The following FKBP5 variants were observed in gnomAD, a reference collection of about 807,000 sequenced individuals.
The protein encoded by FKBP5 is peptidyl-prolyl cis-trans isomerase FKBP5.
In FKBP5, 23 loss-of-function variants were observed where a neutral mutation model predicts 50.5. The observed-to-expected ratio is 0.46, with a 90% CI of 0.33 to 0.65. The LOEUF (loss-of-function observed/expected upper bound fraction) is 0.65, where lower values mean the gene tolerates loss of function less well. Among genes scored for constraint, FKBP5 ranks in the 30% least tolerant of loss-of-function variants. FKBP5 has a pLI of 0.02. For synonymous variants in FKBP5, 176 were observed against 190.6 expected (o/e 0.92, Z 0.63); for missense variants, 411 against 553.1 (o/e 0.74, Z 2.58).
intron 3 of FKBP5, among the ~76,000 whole-genome samples, chr6:35,634,555 G>A (rs992104531): frequency 6.6e-6 from 1 of 152,168 alleles, no homozygotes; most frequent in African/African-American, 2.4e-5. Flanking sequence ...ACAGGAAGCA[G>A]GGAAGGCTGA....
rs938652911 is a variant in FKBP5 at position 35,574,076 on chromosome 6, T to G, written c.*1759A>C. 1 of 152,218 alleles carries G rather than the reference T, an allele frequency of 6.6e-6. No individual in the cohort carries two copies. The highest frequency in any genetic ancestry group is 6.5e-5 in the Admixed American group (1 of 15,280). The allele number at this position is 152,218 out of a possible 1,614,324, so 9.4% of individuals were successfully genotyped here. Reference sequence around the variant, plus strand: ...AAGCAAAATCAGCTTTTGCTCTTCATATTTCGTAGGTGAGACTGGGGCTTT... The same window carrying G: ...AAGCAAAATCAGCTTTTGCTCTTCAGATTTCGTAGGTGAGACTGGGGCTTT... On this transcript the variant is annotated 3_prime_UTR_variant, in exon 11 of 11. Transcript: ENST00000357266.
chr6:35,675,966 TAAC>T (rs1482025350), intron 1 of FKBP5, among the ~76,000 whole-genome samples: 1 of 152,122 alleles, frequency 6.6e-6, no homozygotes, highest in Non-Finnish European at 1.5e-5. Flanking sequence ...CTATTAATCC[TAAC>T]AACTATTGGG....
Position 35,575,583 on chromosome 6 carries a change from G to A in FKBP5, c.*252C>T, listed in dbSNP as rs1762185936. The A allele has an allele frequency of 2.2e-6, 1 of 455,834 alleles. No homozygotes were observed. Among genetic ancestry groups the A allele is most frequent in the Non-Finnish European group, 4.0e-6 (1 of 249,560 alleles). 28.2% of individuals were successfully genotyped at this position (455,834 alleles called of 1,614,324 possible). A position where few individuals can be genotyped will look rare whatever the true frequency, so the allele number is the denominator to read the frequency against. On this transcript the variant is annotated 3_prime_UTR_variant, in exon 11 of 11. Transcript: ENST00000357266. ...AACTGAAATGAGCTGGACTTAAGCT[G>A]CTGGCTCACTCCCTCCACACCACAG...
At chr6:35,721,559 G>A (rs1202684378) in intron 1 of FKBP5, among the ~76,000 whole-genome samples, 1 of 151,962 alleles carries the variant, frequency 6.6e-6, no homozygotes, top group Non-Finnish European at 1.5e-5. Context: ...GGGTTCAAAT[G>A]ATTCTCCTGC....
At chr6:35,628,131 C>A (rs538971196) in intron 3 of FKBP5, among the ~76,000 whole-genome samples, 6 of 152,018 alleles carry the variant, frequency 3.9e-5, no homozygotes, top group Non-Finnish European at 8.8e-5. Context: ...GCATTTAGGT[C>A]TTTGATCCAT....
chr6:35,719,605 C>G (rs1766569727), intron 2 of FKBP5, among the ~76,000 whole-genome samples: 1 of 151,834 alleles, frequency 6.6e-6, no homozygotes, highest in African/African-American at 2.4e-5. Context: ...TGCCTGGTGC[C>G]CCTGTGTAGT....
intron 3 of FKBP5, among the ~76,000 whole-genome samples, chr6:35,630,241 T>C (rs920417057): frequency 1.3e-5 from 2 of 152,002 alleles, no homozygotes; most frequent in African/African-American, 2.4e-5. Context: ...CTATGACATA[T>C]CATTACTGGT....
At chr6:35,716,623 G>A (rs767784390) in intron 2 of FKBP5, among the ~76,000 whole-genome samples, 42 of 152,202 alleles carry the variant, frequency 2.8e-4, no homozygotes, top group South Asian at 8.3e-4. Context: ...ACCCATCCCA[G>A]GCACATGCTC....
intron 8 of FKBP5, chr6:35,583,370 G>A (rs1204806390): frequency 2.0e-6 from 2 of 985,338 alleles, no homozygotes; most frequent in Non-Finnish European, 1.2e-6. Flanking sequence ...AATCAGAATG[G>A]TAGAAGGCCA....
chr6:35,599,698 T>G (rs1763086490), intron 5 of FKBP5, among the ~76,000 whole-genome samples: 2 of 152,100 alleles, frequency 1.3e-5, no homozygotes, highest in African/African-American at 2.4e-5. Context: ...AGAGTTGGAG[T>G]GGCTTGGTAG....
intron 5 of FKBP5, among the ~76,000 whole-genome samples, chr6:35,615,155 TACACACACACAC>T (rs34301531): frequency 5.6e-5 from 8 of 143,444 alleles, no homozygotes; most frequent in Non-Finnish European, 1.1e-4. Flanking sequence ...CAACAACAAC[TACACACACACAC>T]ACACACACAC....
intron 5 of FKBP5, among the ~76,000 whole-genome samples, chr6:35,606,659 C>CAAAAA (rs61139697): frequency 1.2e-4 from 3 of 25,122 alleles, no homozygotes; most frequent in African/African-American, 4.6e-4. Context: ...GACTCCGTCT[C>CAAAAA]AAAAAAAAAA....
intron 5 of FKBP5, among the ~76,000 whole-genome samples, chr6:35,612,526 CTGTT>C (rs1264497426): frequency 6.6e-6 from 1 of 152,224 alleles, no homozygotes; most frequent in Non-Finnish European, 1.5e-5. Context: ...TTCTTTGTAA[CTGTT>C]TGTATTAGTC....
chr6:35,691,468 T>C (rs948568422), upstream of FKBP5, among the ~76,000 whole-genome samples: 2 of 152,154 alleles, frequency 1.3e-5, no homozygotes, highest in African/African-American at 2.4e-5. Flanking sequence ...GTCACATGTC[T>C]GGGACCAGGC....
chr6:35,728,564 C>T (rs913048439), exon 1 of FKBP5: 4 of 152,282 alleles, frequency 2.6e-5, no homozygotes, highest in Non-Finnish European at 4.4e-5. Context: ...TAGTTGCAAA[C>T]AGAGGTAGGA....
At chr6:35,587,147 TG>T in intron 7 of FKBP5, 30 bp from the exon 8 acceptor site, 1 of 1,600,784 alleles carries the variant, frequency 6.2e-7, no homozygotes, top group Non-Finnish European at 8.6e-7. Context: ...AATGGTTAGA[TG>T]AACAGAGAGA....
At chr6:35,625,442 A>G (rs1763964989) in intron 3 of FKBP5, among the ~76,000 whole-genome samples, 1 of 151,852 alleles carries the variant, frequency 6.6e-6, no homozygotes, top group Non-Finnish European at 1.5e-5. Flanking sequence ...CATAGGTAAC[A>G]TACACCAAGA....
chr6:35,626,704 T>G (rs1431454428), intron 3 of FKBP5, among the ~76,000 whole-genome samples: 2 of 152,230 alleles, frequency 1.3e-5, no homozygotes, highest in Admixed American at 1.3e-4. Flanking sequence ...CTACTCTGGA[T>G]AGATAACTCA....
intron 2 of FKBP5, among the ~76,000 whole-genome samples, chr6:35,641,420 G>A (rs1017443263): frequency 6.6e-6 from 1 of 152,168 alleles, no homozygotes; most frequent in Non-Finnish European, 1.5e-5. Context: ...TGTGACTGCA[G>A]TGCAGTAGGT....
Sources: allele counts gnomAD v4.1 joint callset (sites outside exome capture counted in the v4.1 genomes callset), GRCh38; gene constraint gnomAD v4.1.1; transcripts MANE v1.5; gene names NCBI Gene and HGNC (gene_info 2026-07-23, HGNC 2026-07-21).